CHL1: variants seen among roughly 807,000 people sequenced by gnomAD.
CHL1 encodes the protein cell adhesion molecule L1 like, also known as neural cell adhesion molecule L1-like protein.
In CHL1, 96 loss-of-function variants were observed where a neutral mutation model predicts 141.9. The observed-to-expected ratio is 0.68, with a 90% CI of 0.57 to 0.80. The LOEUF is 0.80. Ranked by LOEUF, CHL1 falls within the 30% of genes least tolerant of loss-of-function variation. CHL1 has a pLI of 0.00. For missense variants in CHL1, 1,820 were observed against 1,457.2 expected (o/e 1.25, Z -4.05); for synonymous variants, 613 against 502.2 (o/e 1.22, Z -2.95).
chr3:394,158 T>C (rs1708475966), intron 23 of CHL1, among the ~76,000 whole-genome samples: 1 of 152,216 alleles, frequency 6.6e-6, no homozygotes. Context: ...ACACAGTAGA[T>C]ATTCTTAAAT....
intron 5 of CHL1, among the ~76,000 whole-genome samples, chr3:338,078 A>C (rs554576802): frequency 1.1e-4 from 16 of 152,186 alleles, no homozygotes; most frequent in African/African-American, 3.4e-4. Context: ...GTTAGCCAGG[A>C]TGGTCTCGAT....
At chr3:352,973 T>C (rs1198166420) in intron 10 of CHL1, among the ~76,000 whole-genome samples, 3 of 152,192 alleles carry the variant, frequency 2.0e-5, no homozygotes, top group African/African-American at 7.2e-5. Context: ...ATAGTTGCTG[T>C]GTATTTATCT....
At chr3:340,581 T>G (rs1702272228) in intron 5 of CHL1, among the ~76,000 whole-genome samples, 1 of 152,140 alleles carries the variant, frequency 6.6e-6, no homozygotes, top group African/African-American at 2.4e-5. Flanking sequence ...TGTCTGGGGT[T>G]TCAAAATGCA....
intron 2 of CHL1, among the ~76,000 whole-genome samples, chr3:318,278 T>TTA (rs1700294335): frequency 6.6e-6 from 1 of 151,880 alleles, no homozygotes; most frequent in Admixed American, 6.6e-5. Flanking sequence ...AAGATGCAAT[T>TTA]TAAAGTGAAA....
intron 2 of CHL1, among the ~76,000 whole-genome samples, chr3:310,927 T>C: frequency 6.6e-6 from 1 of 152,242 alleles, no homozygotes; most frequent in South Asian, 2.1e-4. Flanking sequence ...CTTATCTTTT[T>C]ACTTTCTCAA....
intron 15 of CHL1, among the ~76,000 whole-genome samples, chr3:375,519 C>G (rs751480105): frequency 6.6e-6 from 1 of 151,674 alleles, no homozygotes; most frequent in Non-Finnish European, 1.5e-5. Context: ...TGAAAGGTCT[C>G]TTTCTAACAA....
intron 19 of CHL1, among the ~76,000 whole-genome samples, chr3:386,995 CATA>C (rs1707786776): frequency 1.3e-5 from 2 of 152,044 alleles, no homozygotes; most frequent in Non-Finnish European, 2.9e-5. Flanking sequence ...ACATGTTGTA[CATA>C]ATAAGTAGAT....
chr3:361,614 C>A (rs9839027), intron 12 of CHL1, 85 bp from the exon 13 acceptor site: 473,619 of 821,222 alleles, frequency 0.58, 138,275 homozygotes, highest in Admixed American at 0.72. Context: ...TGTTTGTATT[C>A]GTATGACTAG....
chr3:203,274 C>A (rs2124827419), intron 1 of CHL1, among the ~76,000 whole-genome samples: 1 of 152,286 alleles, frequency 6.6e-6, no homozygotes, highest in African/African-American at 2.4e-5. Context: ...CAAATTTCAG[C>A]CAACATTTAA....
chr3:350,377 C>G (rs1703139950), intron 10 of CHL1, among the ~76,000 whole-genome samples: 1 of 152,126 alleles, frequency 6.6e-6, no homozygotes, highest in Admixed American at 6.6e-5. Flanking sequence ...CACACTGAGG[C>G]TTTCTATCTA....
intron 3 of CHL1, among the ~76,000 whole-genome samples, chr3:321,160 C>G (rs747079924): frequency 9.9e-5 from 15 of 151,972 alleles, no homozygotes; most frequent in African/African-American, 1.4e-4. Context: ...CTTGATGTAC[C>G]TATTTTATAT....
rs868292827 is a variant in CHL1 at position 337,277 on chromosome 3, G to A, written c.386-3517G>A. Among the ~76,000 whole-genome samples, 12 of 140,554 alleles carry A rather than the reference G, an allele frequency of 8.5e-5. No individual in the cohort carries two copies. In the East Asian group the frequency reaches 1.1e-3, roughly 13 times the overall value. The allele number at this position is 140,554 out of a possible 152,430, so 92.2% of individuals were successfully genotyped here. A position where few individuals can be genotyped will look rare whatever the true frequency, so the allele number is the denominator to read the frequency against. ...ACAATCTCTGCTCACTGCAAGCTCC[G>A]CCTCCCGGGTTCCCGCCATTCTCCT... On this transcript the variant is annotated intron_variant, in intron 5 of 27. Coordinates refer to ENST00000256509, the MANE Select transcript of CHL1 (RefSeq NM_006614.4).
intron 14 of CHL1, 43 bp downstream of exon 14, chr3:363,426 G>C (rs762336839): frequency 3.3e-6 from 5 of 1,537,002 alleles, no homozygotes; most frequent in South Asian, 2.4e-5. Context: ...TGTCACATGG[G>C]TTCAGTCTGT....
intron 19 of CHL1, among the ~76,000 whole-genome samples, chr3:386,626 A>G (rs1481071460): frequency 6.6e-6 from 1 of 152,198 alleles, no homozygotes; most frequent in Non-Finnish European, 1.5e-5. Context: ...TTTCAAACTT[A>G]AAGGACACCA....
At chr3:399,584 G>T (rs1051422520) in intron 26 of CHL1, among the ~76,000 whole-genome samples, 1 of 152,136 alleles carries the variant, frequency 6.6e-6, no homozygotes, top group Admixed American at 6.5e-5. Context: ...AGTTTGCAGT[G>T]AGCTGAGATC....
chr3:399,725 T>C (rs935134203), intron 26 of CHL1, among the ~76,000 whole-genome samples: 2 of 152,216 alleles, frequency 1.3e-5, no homozygotes, highest in African/African-American at 4.8e-5. Flanking sequence ...AATATCAGCG[T>C]CGTTGAGAGA....
At chr3:275,451 T>C (rs1450040737) in intron 2 of CHL1, among the ~76,000 whole-genome samples, 3 of 152,216 alleles carry the variant, frequency 2.0e-5, no homozygotes, top group Non-Finnish European at 4.4e-5. Flanking sequence ...TGCTATATAT[T>C]GATGGCAACC....
chr3:345,360 G>A (rs1702676827), intron 9 of CHL1, among the ~76,000 whole-genome samples: 1 of 152,084 alleles, frequency 6.6e-6, no homozygotes, highest in Non-Finnish European at 1.5e-5. Flanking sequence ...TGCACACATG[G>A]AGGTCCAGAC....
intron 2 of CHL1, among the ~76,000 whole-genome samples, chr3:263,861 G>A (rs534139904): frequency 1.3e-5 from 2 of 152,280 alleles, no homozygotes; most frequent in East Asian, 1.9e-4. Flanking sequence ...AATTGTATAA[G>A]CTATGCCTTT....
Sources: gnomAD v4.1 joint callset for allele counts (sites outside exome capture counted in the v4.1 genomes callset) on GRCh38, gnomAD v4.1.1 for gene constraint, MANE v1.5 for transcripts, NCBI Gene and HGNC (gene_info 2026-07-23, HGNC 2026-07-21) for gene names.